Variants in OR10G8 observed in about 807,000 individuals in gnomAD.
The protein encoded by OR10G8 is olfactory receptor 10G8.
For synonymous variants in OR10G8, 173 were observed against 163.2 expected (o/e 1.06, Z -0.46); for missense variants, 386 against 384.9 (o/e 1.00, Z -0.02).
chr11:124,027,255 T>C (rs1864114938), intron 1 of OR10G8, among the ~76,000 whole-genome samples: 1 of 152,312 alleles, frequency 6.6e-6, no homozygotes, highest in South Asian at 2.1e-4. Flanking sequence ...AGTTTTACTA[T>C]TGAAATGAAT....
At position 124,029,817 on chromosome 11, in the gene OR10G8, G is replaced by A. The variant is rs140497683; in HGVS notation, c.195G>A (p.Ser65=). The A allele has an allele frequency of 3.0e-5, 48 of 1,613,948 alleles. No homozygotes were observed. Among genetic ancestry groups the A allele is most frequent in the Non-Finnish European group, 3.6e-5 (42 of 1,180,004 alleles). The change falls in exon 2 of 2, where the codon TCG becomes TCA. Residue 65 remains serine (S), a synonymous_variant. Coordinates refer to ENST00000641224, the MANE Select transcript of OR10G8 (RefSeq NM_001004464.2). ...TTMYYFLTNL[S]FIDMWFSTVT... ...TGTACTACTTCCTCACCAACCTGTC[G>A]TTCATTGACATGTGGTTCTCCACTG...
intron 1 of OR10G8, among the ~76,000 whole-genome samples, chr11:124,028,573 T>A (rs552167031): frequency 6.6e-6 from 1 of 152,332 alleles, no homozygotes; most frequent in East Asian, 1.9e-4. Flanking sequence ...CAAGGCATAA[T>A]GTGATAAGAC....
At chr11:124,029,566 C>A in intron 1 of OR10G8, 30 bp from the exon 2 acceptor site, 2 of 1,545,586 alleles carry the variant, frequency 1.3e-6, no homozygotes, top group African/African-American at 1.4e-5. Context: ...CAATTAAGTG[C>A]TAAATGCTGG....
chr11:124,029,556 C>T (rs1175103713), intron 1 of OR10G8, 40 bp from the exon 2 acceptor site: 1 of 1,506,684 alleles, frequency 6.6e-7, no homozygotes, highest in South Asian at 1.3e-5. Context: ...TCTCATTTCT[C>T]AATTAAGTGC....
At chr11:124,028,592 A>T (rs1256310080) in intron 1 of OR10G8, among the ~76,000 whole-genome samples, 1 of 152,214 alleles carries the variant, frequency 6.6e-6, no homozygotes, top group Non-Finnish European at 1.5e-5. Context: ...ACTCACTGTC[A>T]TTTATTGAGC....
At chr11:124,028,512 T>C (rs1395024072) in intron 1 of OR10G8, among the ~76,000 whole-genome samples, 2 of 152,196 alleles carry the variant, frequency 1.3e-5, no homozygotes, top group Non-Finnish European at 2.9e-5. Context: ...AAAGAATATA[T>C]GTACTCTCTT....
Position 124,030,516 on chromosome 11 carries a change from G to T in OR10G8, c.894G>T (p.Leu298=), listed in dbSNP as rs114361645. 1.0e-4 allele frequency: 167 copies of T among 1,605,002 alleles called. No homozygotes were observed. The African/African-American group carries it at 1.9e-3, about 19-fold the overall frequency. The part of the protein sequence containing the change: ...TLRNKEVKKA[L]LKLKDKVAHS... ...GGAACAAGGAGGTGAAGAAAGCTCT[G>T]TTGAAGCTGAAAGACAAAGTAGCAC... is the stretch of plus-strand genomic sequence containing the variant. The change falls in exon 2 of 2, where the codon CTG becomes CTT. Residue 298 remains leucine, a synonymous_variant. Coordinates refer to ENST00000641224, the MANE Select transcript of OR10G8 (RefSeq NM_001004464.2).
chr11:124,029,387 A>C (rs1864133131), intron 1 of OR10G8, among the ~76,000 whole-genome samples: 1 of 152,092 alleles, frequency 6.6e-6, no homozygotes, highest in African/African-American at 2.4e-5. Context: ...GTTTCTCCTA[A>C]TTTCTTCCGC....
chr11:124,029,499 C>A (rs1050655384), intron 1 of OR10G8, 97 bp from the exon 2 acceptor site: 8 of 1,125,638 alleles, frequency 7.1e-6, no homozygotes, highest in Middle Eastern at 2.1e-4. Context: ...CACAATAACT[C>A]CAGAATTATC....
chr11:124,030,342 T>C lies in OR10G8; in HGVS notation c.720T>C (p.Cys240=). Residue 240 remains cysteine (C), a synonymous_variant, in exon 2 of 2, where the codon TGT becomes TGC. Transcript: ENST00000641224. ...GGAAGCACAGAGCCTTTCAGACCTGTGCCTCCCACTGTATCGTGGTCCTTT... is the reference window on the plus strand; with the variant it reads ...GGAAGCACAGAGCCTTTCAGACCTGCGCCTCCCACTGTATCGTGGTCCTTT... ...SEGKHRAFQT[C]ASHCIVVLCF... is the part of the protein sequence containing the mutation. 1 of 1,614,186 alleles carries C rather than the reference T, an allele frequency of 6.2e-7. No homozygotes were observed. The highest frequency in any genetic ancestry group is 8.5e-7 in the Non-Finnish European group (1 of 1,180,026).
chr11:124,030,207 G>A lies in OR10G8; in HGVS notation c.585G>A (p.Glu195=), dbSNP rs781027927. The A allele has an allele frequency of 6.2e-7, 1 of 1,614,160 alleles. No homozygotes were observed. Among genetic ancestry groups the A allele is most frequent in the Non-Finnish European group, 8.5e-7 (1 of 1,179,976 alleles). ...CCTGTGCAGACACCTCAGCCATAGA[G>A]ACTGTCATTTTTGTGACTGTTGGAA... The part of the protein sequence containing the change: ...KLACADTSAI[E]TVIFVTVGIV... Residue 195 remains glutamate, a synonymous_variant, in exon 2 of 2, where the codon GAG becomes GAA. Coordinates refer to ENST00000641224, the MANE Select transcript of OR10G8 (RefSeq NM_001004464.2).
In OR10G8 at chr11:124,030,155, G is replaced by A. The variant is rs772435918; in HGVS notation, c.533G>A (p.Cys178Tyr). The A allele has an allele frequency of 1.2e-6, 2 of 1,614,030 alleles. No individual in the cohort carries two copies. The highest frequency in any genetic ancestry group is 8.5e-7 in the Non-Finnish European group (1 of 1,179,908). Residue 178 changes from cysteine (C) to tyrosine (Y), a missense_variant, in exon 2 of 2, where the codon TGT (cysteine) becomes TAT (tyrosine). Physicochemically the swap from Cys to Tyr is radical, Grantham distance 194. Transcript: ENST00000641224. Reference sequence around the variant, plus strand: ...CCCAACTGGATCCAGCACTATTTGTGTGATGCACCGCCCATCCTGAAACTG... The same window carrying A: ...CCCAACTGGATCCAGCACTATTTGTATGATGCACCGCCCATCCTGAAACTG... ...CGPNWIQHYL[C>Y]DAPPILKLAC...
Position 124,030,539 on chromosome 11 carries a change from C to T in OR10G8, c.917C>T (p.Ala306Val). The T allele has an allele frequency of 6.3e-7, 1 of 1,595,254 alleles. No individual in the cohort carries two copies. Among genetic ancestry groups the T allele is most frequent in the Non-Finnish European group, 8.5e-7 (1 of 1,172,678 alleles). Residue 306 changes from alanine to valine, a missense_variant, in exon 2 of 2, where the codon GCA becomes GTA. Transcript: ENST00000641224. The part of the protein sequence containing the change: ...KALLKLKDKV[A>V]HSQSK ...CTGTTGAAGCTGAAAGACAAAGTAG[C>T]ACATTCTCAGAGCAAATAGACACTA... is the stretch of plus-strand genomic sequence containing the variant.
chr11:124,026,898 A>G (rs1163837944), intron 1 of OR10G8, 31 bp downstream of exon 1: 1 of 152,218 alleles, frequency 6.6e-6, no homozygotes, highest in African/African-American at 2.4e-5. Context: ...TCTAAGGTAC[A>G]AATACTGATT....
Sources: allele counts gnomAD v4.1 joint callset (sites outside exome capture counted in the v4.1 genomes callset), GRCh38; gene constraint gnomAD v4.1.1; transcripts MANE v1.5; gene names NCBI Gene and HGNC (gene_info 2026-07-23, HGNC 2026-07-21).